Variants in LRCH3 observed in about 807,000 individuals in gnomAD.
LRCH3 encodes leucine rich repeats and calponin homology domain containing 3, also known as DISP complex protein LRCH3.
LRCH3 carries 68 observed loss-of-function variants against 104.5 expected under a neutral mutation model. The ratio of observed to expected loss-of-function variants is 0.65; its 90% CI spans 0.54 to 0.80. The LOEUF (loss-of-function observed/expected upper bound fraction) is 0.80. LRCH3 is among the 30% of genes least tolerant of loss of function. The pLI, the probability that LRCH3 is intolerant of heterozygous loss-of-function variation, is 0.00. For missense variants in LRCH3, 951 were observed against 953.9 expected (o/e 1.00, Z 0.04); for synonymous variants, 344 against 361.3 (o/e 0.95, Z 0.54).
intron 18 of LRCH3, among the ~76,000 whole-genome samples, chr3:197,871,058 G>A (rs1712123398): frequency 6.6e-6 from 1 of 151,000 alleles, no homozygotes; most frequent in South Asian, 2.1e-4. Flanking sequence ...TTTATTTTAT[G>A]TTGGAATTGA....
intron 15 of LRCH3, among the ~76,000 whole-genome samples, chr3:197,860,924 C>T (rs1740804949): frequency 6.6e-6 from 1 of 151,672 alleles, no homozygotes; most frequent in Non-Finnish European, 1.5e-5. Flanking sequence ...TCCGGTAACC[C>T]TCAGTTTAGT....
chr3:197,881,754 G>A, intron 20 of LRCH3: 2 of 985,362 alleles, frequency 2.0e-6, no homozygotes, highest in Non-Finnish European at 2.4e-6. Context: ...TAACAAAATT[G>A]GGATAAAGGA....
chr3:197,882,085 A>T (rs1713819271), intron 20 of LRCH3: 1 of 985,126 alleles, frequency 1.0e-6, no homozygotes, highest in African/African-American at 1.7e-5. Flanking sequence ...ACAGGCTCTC[A>T]TGTGGTTTAG....
rs1737232114 is a variant in LRCH3, at chr3:197,838,428, C to CTATTTCT, written c.1252-892_1252-891insATTTCTT. ...AAGTTTCTAATGATGTGTGATATAC[C>CTATTTCT]TGTTTCTTGGAGGTAGATGCTATTT... On this transcript the variant is annotated intron_variant, in intron 9 of 20. Transcript: ENST00000425562. 2.1e-5 allele frequency among the ~76,000 whole-genome samples: 3 copies of CTATTTCT among 143,678 alleles called. 1 individual carries two copies. The highest frequency in any genetic ancestry group is 5.7e-5 in the African/African-American group (2 of 34,842). 94.3% of individuals were successfully genotyped at this position (143,678 alleles called of 152,430 possible).
intron 20 of LRCH3, among the ~76,000 whole-genome samples, chr3:197,879,561 G>A (rs1246268665): frequency 1.6e-4 from 24 of 152,156 alleles, no homozygotes; most frequent in African/African-American, 3.9e-4. Flanking sequence ...CGGGAGAATG[G>A]CGGGAACCCG....
intron 1 of LRCH3, among the ~76,000 whole-genome samples, chr3:197,802,336 G>T (rs1259793388): frequency 6.6e-6 from 1 of 152,124 alleles, no homozygotes; most frequent in East Asian, 1.9e-4. Flanking sequence ...ATTAATTTAT[G>T]AGTAGAAATT....
chr3:197,817,302 T>A lies in LRCH3; in HGVS notation c.534T>A (p.Leu178=). 6.4e-7 allele frequency: 1 copy of A among 1,554,648 alleles called. No individual in the cohort carries two copies. The highest frequency in any genetic ancestry group is 8.7e-7 in the Non-Finnish European group (1 of 1,152,222). Residue 178 remains leucine, a splice_region_variant and synonymous_variant, in exon 3 of 21, where the codon CTT becomes CTA. Transcript: ENST00000425562. ...GACACCTTAGACATTTGATGGAACT[T>A]GTAAGTTAATATTTTTGATTGTCCA... is the stretch of plus-strand genomic sequence containing the variant. ...EIGHLRHLME[L]DVSCNEIQTI...
chr3:197,871,277 T>G, intron 18 of LRCH3, 48 bp from the exon 19 acceptor site: 1 of 1,417,800 alleles, frequency 7.1e-7, no homozygotes, highest in Non-Finnish European at 1.0e-6. Flanking sequence ...ATGTCCTATA[T>G]GTCAGTCTTT....
At chr3:197,859,194 TTAG>T in intron 15 of LRCH3, 2 of 386,632 alleles carry the variant, frequency 5.2e-6, no homozygotes, top group Non-Finnish European at 9.6e-6. Flanking sequence ...TTCACTTTGG[TTAG>T]TATATAATAT....
At chr3:197,864,944 C>T (rs1741314860) in intron 15 of LRCH3, among the ~76,000 whole-genome samples, 1 of 151,554 alleles carries the variant, frequency 6.6e-6, no homozygotes, top group Non-Finnish European at 1.5e-5. Context: ...TCACCTGAGC[C>T]TGGGAGATCA....
Position 197,839,339 on chromosome 3 carries a change from G to T in LRCH3, c.1270G>T (p.Val424Leu), listed in dbSNP as rs758459893. ...ISHEGSPVKP[V>L]AIREFQKTED... is the part of the protein sequence containing the mutation. ...GGCCTAGGGTTCACCAGTAAAGCCA[G>T]TAGCCATTAGGGAGTTTCAAAAAAC... Residue 424 changes from valine (V) to leucine (L), a missense_variant, in exon 10 of 21, where the codon GTA (valine) becomes TTA (leucine). Val to Leu is a conservative substitution (Grantham distance 32, BLOSUM62 1). Coordinates refer to ENST00000425562, the MANE Select transcript of LRCH3 (RefSeq NM_001365715.1). 9 of 1,597,024 alleles carry T rather than the reference G, an allele frequency of 5.6e-6. No individual in the cohort carries two copies. The East Asian group carries it at 2.0e-4, about 36-fold the overall frequency.
chr3:197,835,533 A>T, intron 8 of LRCH3, 141 bp from the exon 9 acceptor site: 1 of 1,247,180 alleles, frequency 8.0e-7, no homozygotes, highest in Non-Finnish European at 1.0e-6. Context: ...TAAGTAATTT[A>T]AAGTTTTTAT....
chr3:197,800,544 T>C (rs756385833), intron 1 of LRCH3, among the ~76,000 whole-genome samples: 8 of 152,194 alleles, frequency 5.3e-5, no homozygotes, highest in Admixed American at 3.3e-4. Flanking sequence ...GAGACACTCA[T>C]ACGATGCTGT....
chr3:197,882,428 G>A lies in LRCH3; in HGVS notation c.2209-1113G>A, dbSNP rs1713852003. 5.2e-6 allele frequency: 5 copies of A among 964,934 alleles called. No individual in the cohort carries two copies. In the South Asian group the frequency reaches 1.4e-4, roughly 28 times the overall value. The allele number at this position is 964,934 out of a possible 1,614,324, so 59.8% of individuals were successfully genotyped here. A position where few individuals can be genotyped will look rare whatever the true frequency, so the allele number is the denominator to read the frequency against. On this transcript the variant is annotated intron_variant, in intron 20 of 20. Transcript: ENST00000425562. ...AGTATTAAATAAAAAGTAAGCACAA[G>A]TACCAATAACTGCCTCAAAAATACT...
chr3:197,842,485 A>G lies in LRCH3; in HGVS notation c.1328+3088A>G, dbSNP rs533632839. 5.9e-5 allele frequency among the ~76,000 whole-genome samples: 9 copies of G among 152,320 alleles called. No homozygotes were observed. In the South Asian group the frequency reaches 1.9e-3, roughly 32 times the overall value. On this transcript the variant is annotated intron_variant, in intron 10 of 20. Coordinates refer to ENST00000425562, the MANE Select transcript of LRCH3 (RefSeq NM_001365715.1). Reference sequence around the variant, plus strand: ...AAAGACTCTACCTCAGCAGTCTGTCAGTTACAGCAACTCAAAAACATTGAG... The same window carrying G: ...AAAGACTCTACCTCAGCAGTCTGTCGGTTACAGCAACTCAAAAACATTGAG...
intron 2 of LRCH3, 66 bp downstream of exon 2, chr3:197,815,118 C>T: frequency 1.0e-6 from 1 of 1,004,652 alleles, no homozygotes; most frequent in South Asian, 1.9e-5. Flanking sequence ...TTCCCCTTTC[C>T]CTAAAATATT....
chr3:197,804,042 G>C (rs979444971), intron 1 of LRCH3, among the ~76,000 whole-genome samples: 1 of 152,154 alleles, frequency 6.6e-6, no homozygotes, highest in Non-Finnish European at 1.5e-5. Context: ...TGGATCACTT[G>C]AGGTCAGGAG....
chr3:197,820,304 T>C, intron 3 of LRCH3, 21 bp from the exon 4 acceptor site: 1 of 1,521,070 alleles, frequency 6.6e-7, no homozygotes, highest in Non-Finnish European at 9.1e-7. Flanking sequence ...ACAATCTTTA[T>C]TTTGTATCTT....
chr3:197,819,283 T>C (rs540068651), intron 3 of LRCH3, among the ~76,000 whole-genome samples: 15 of 152,306 alleles, frequency 9.8e-5, no homozygotes, highest in African/African-American at 3.4e-4. Context: ...TCTGAGAGAT[T>C]ATACATTGCT....
Sources: gnomAD v4.1 joint callset for allele counts (sites outside exome capture counted in the v4.1 genomes callset) on GRCh38, gnomAD v4.1.1 for gene constraint, MANE v1.5 for transcripts, NCBI Gene and HGNC (gene_info 2026-07-23, HGNC 2026-07-21) for gene names.